Variants in MYO3A observed in about 807,000 individuals in gnomAD.
The protein encoded by MYO3A is myosin IIIA.
A neutral mutation model predicts 192.7 loss-of-function variants in MYO3A; 180 were observed. The ratio of observed to expected loss-of-function variants is 0.93; its 90% CI spans 0.83 to 1.06. The LOEUF (loss-of-function observed/expected upper bound fraction) is 1.06. Ranked by LOEUF, MYO3A falls within the 50% of genes least tolerant of loss-of-function variation. The pLI, the probability that MYO3A is intolerant of heterozygous loss-of-function variation, is 0.00. For synonymous variants in MYO3A, 628 were observed against 645.3 expected (o/e 0.97, Z 0.41); for missense variants, 1,896 against 1,905.0 (o/e 1.00, Z 0.09).
At chr10:25,950,758 G>C (rs564909833) in intron 2 of MYO3A, among the ~76,000 whole-genome samples, 1 of 152,256 alleles carries the variant, frequency 6.6e-6, no homozygotes, top group Admixed American at 6.5e-5. Context: ...TGGGCTTAAA[G>C]AAAGTTAAAG....
At chr10:26,003,654 G>T (rs1009296478) in intron 6 of MYO3A, among the ~76,000 whole-genome samples, 1 of 151,232 alleles carries the variant, frequency 6.6e-6, no homozygotes, top group Non-Finnish European at 1.5e-5. Flanking sequence ...ATCCCTTCAG[G>T]CAAGTGAACT....
intron 4 of MYO3A, among the ~76,000 whole-genome samples, chr10:25,991,101 A>G (rs1210535653): frequency 6.6e-6 from 1 of 152,186 alleles, no homozygotes; most frequent in African/African-American, 2.4e-5. Flanking sequence ...ATCTTCCACA[A>G]TGGTTGAACT....
chr10:25,986,463 A>T (rs1839659920), intron 4 of MYO3A, among the ~76,000 whole-genome samples: 1 of 152,144 alleles, frequency 6.6e-6, no homozygotes, highest in Non-Finnish European at 1.5e-5. Flanking sequence ...AACCCTAAAG[A>T]CTCATCCGAA....
intron 14 of MYO3A, among the ~76,000 whole-genome samples, chr10:26,071,596 C>T (rs906537499): frequency 1.3e-5 from 2 of 152,136 alleles, no homozygotes; most frequent in Admixed American, 6.5e-5. Context: ...ACACAACCCA[C>T]AGACTCAGAG....
intron 4 of MYO3A, among the ~76,000 whole-genome samples, chr10:25,994,829 A>C (rs1232969227): frequency 6.6e-6 from 1 of 152,174 alleles, no homozygotes; most frequent in Admixed American, 6.5e-5. Flanking sequence ...AGAATGTTGA[A>C]TATTGGCCCC....
chr10:26,021,541 C>A lies in MYO3A; in HGVS notation c.624C>A (p.Asp208Glu). 1 of 1,613,996 alleles carries A rather than the reference C, an allele frequency of 6.2e-7. No individual in the cohort carries two copies. The highest frequency in any genetic ancestry group is 1.6e-4 in the Middle Eastern group (1 of 6,062). The change falls in exon 8 of 35, where the codon GAC becomes GAA. Residue 208 changes from aspartate to glutamate, a missense_variant. By Grantham distance (45) the Asp-to-Glu change is conservative. Coordinates refer to ENST00000642920, the MANE Select transcript of MYO3A (RefSeq NM_017433.5). The part of the protein sequence containing the change: ...ACEQQLDTTY[D>E]ARCDTWSLGI... Reference sequence around the variant, plus strand: ...AACAGCAATTGGATACCACTTATGACGCCAGATGTGACACTTGGTCCCTGG... The same window carrying A: ...AACAGCAATTGGATACCACTTATGAAGCCAGATGTGACACTTGGTCCCTGG...
chr10:25,994,671 T>C (rs1199529401), intron 4 of MYO3A, among the ~76,000 whole-genome samples: 5 of 152,222 alleles, frequency 3.3e-5, no homozygotes, highest in African/African-American at 4.8e-5. Flanking sequence ...CCATGTTTAG[T>C]GCTTCCTTCA....
intron 10 of MYO3A, among the ~76,000 whole-genome samples, chr10:26,033,786 A>G (rs186794570): frequency 1.1e-3 from 160 of 152,322 alleles, no homozygotes; most frequent in African/African-American, 3.6e-3. Context: ...GTCGCCTTTG[A>G]ATCAGCACCA....
chr10:26,048,329 A>G (rs1843753996), intron 10 of MYO3A, among the ~76,000 whole-genome samples: 1 of 151,712 alleles, frequency 6.6e-6, no homozygotes, highest in Non-Finnish European at 1.5e-5. Context: ...GCAGTTAGGT[A>G]GTATACATTT....
At chr10:26,100,226 T>C (rs1476278752) in intron 17 of MYO3A, among the ~76,000 whole-genome samples, 1 of 152,198 alleles carries the variant, frequency 6.6e-6, no homozygotes, top group Non-Finnish European at 1.5e-5. Context: ...GATGGTAGTT[T>C]GTATTTCTGT....
At chr10:26,102,084 CTTTG>C (rs1165205460) in intron 17 of MYO3A, among the ~76,000 whole-genome samples, 1 of 152,118 alleles carries the variant, frequency 6.6e-6, no homozygotes, top group African/African-American at 2.4e-5. Context: ...TTCTTGGAAG[CTTTG>C]TTTGTTTCTT....
intron 2 of MYO3A, among the ~76,000 whole-genome samples, chr10:25,939,948 C>G (rs1836370188): frequency 6.6e-6 from 1 of 151,880 alleles, no homozygotes; most frequent in African/African-American, 2.4e-5. Context: ...TTTTTGATTA[C>G]TATGTAGTGG....
chr10:25,994,908 G>A (rs1451717877), intron 4 of MYO3A, among the ~76,000 whole-genome samples: 3 of 152,098 alleles, frequency 2.0e-5, no homozygotes, highest in Admixed American at 2.0e-4. Context: ...TCCCTTTGTG[G>A]GTAACCCGAT....
intron 34 of MYO3A, 58 bp from the exon 35 acceptor site, chr10:26,211,785 G>A: frequency 6.2e-7 from 1 of 1,609,132 alleles, no homozygotes; most frequent in Non-Finnish European, 8.5e-7. Flanking sequence ...CGGGGTAGGT[G>A]GGGACGCGCT....
intron 26 of MYO3A, among the ~76,000 whole-genome samples, chr10:26,161,246 T>C (rs1344458018): frequency 6.6e-6 from 1 of 152,254 alleles, no homozygotes; most frequent in African/African-American, 2.4e-5. Flanking sequence ...GCTAATCCTC[T>C]GCATAGGATG....
chr10:25,978,510 A>G (rs1211711764), intron 4 of MYO3A, among the ~76,000 whole-genome samples: 1 of 152,190 alleles, frequency 6.6e-6, no homozygotes. Flanking sequence ...ACCTGCCCTC[A>G]TGATTCAATT....
At chr10:25,992,581 T>C (rs2130870263) in intron 4 of MYO3A, among the ~76,000 whole-genome samples, 1 of 152,350 alleles carries the variant, frequency 6.6e-6, no homozygotes, top group African/African-American at 2.4e-5. Context: ...CATCCCTGTC[T>C]TGTGCCGGTT....
At chr10:26,172,361 G>A (rs1056320841) in intron 29 of MYO3A, among the ~76,000 whole-genome samples, 2 of 152,168 alleles carry the variant, frequency 1.3e-5, no homozygotes, top group African/African-American at 2.4e-5. Flanking sequence ...AGAAGAGATC[G>A]CCAGTCCTCC....
At chr10:26,026,792 C>G (rs1235599452) in intron 10 of MYO3A, among the ~76,000 whole-genome samples, 2 of 152,202 alleles carry the variant, frequency 1.3e-5, no homozygotes, top group African/African-American at 4.8e-5. Context: ...ACCTCCACCT[C>G]CCGGGTTCAA....
Sources: allele counts gnomAD v4.1 joint callset (sites outside exome capture counted in the v4.1 genomes callset), GRCh38; gene constraint gnomAD v4.1.1; transcripts MANE v1.5; gene names NCBI Gene and HGNC (gene_info 2026-07-23, HGNC 2026-07-21).